The following TCERG1 variants were observed in gnomAD, a reference collection of about 807,000 sequenced individuals.
TCERG1 encodes TATA box binding protein (TBP)-associated factor, RNA polymerase II, S, 150kD.
A neutral mutation model predicts 144.7 loss-of-function variants in TCERG1; 37 were observed. That is an observed-to-expected ratio of 0.26 (90% CI 0.20 to 0.34). The LOEUF is 0.34. Ranked by LOEUF, TCERG1 falls within the 10% of genes least tolerant of loss-of-function variation. The pLI is 1.00. For missense variants in TCERG1, 1,027 were observed against 1,380.7 expected (o/e 0.74, Z 4.06); for synonymous variants, 492 against 458.2 (o/e 1.07, Z -0.94).
At chr5:146,447,858 G>A (rs562804938) in intron 1 of TCERG1, among the ~76,000 whole-genome samples, 2 of 152,348 alleles carry the variant, frequency 1.3e-5, no homozygotes, top group East Asian at 3.9e-4. Context: ...CCTTCTCCAC[G>A]CCCTCCGCGG....
rs1763088504 is a variant in TCERG1, at chr5:146,459,048, A to AGGCTCAGGCCCAGGCG, written c.603_604insGGCTCAGGCCCAGGCG (p.Gln202GlyfsTer69). 1 of 1,596,132 alleles carries AGGCTCAGGCCCAGGCG rather than the reference A, an allele frequency of 6.3e-7. No homozygotes were observed. Among genetic ancestry groups the AGGCTCAGGCCCAGGCG allele is most frequent in the East Asian group, 2.3e-5 (1 of 44,356 alleles). On this transcript the variant is annotated frameshift_variant, in exon 4 of 23. Transcript: ENST00000679501. LOFTEE classifies it high-confidence loss of function. ...CCCAGGCGCAGGCTCAGGCCCAGGC[A>AGGCTCAGGCCCAGGCG]CAAGCTCAGGCCCAGGCTCAGGCTC...
chr5:146,453,458 T>A (rs1762534149), intron 1 of TCERG1, among the ~76,000 whole-genome samples: 1 of 152,374 alleles, frequency 6.6e-6, no homozygotes, highest in South Asian at 2.1e-4. Flanking sequence ...TACCCTTCAA[T>A]ACTTCAGTAT....
chr5:146,486,634 C>T (rs1293652996), intron 15 of TCERG1, among the ~76,000 whole-genome samples: 1 of 152,080 alleles, frequency 6.6e-6, no homozygotes, highest in African/African-American at 2.4e-5. Flanking sequence ...CAACATAGTG[C>T]TGGAAGTCTT....
intron 9 of TCERG1, among the ~76,000 whole-genome samples, chr5:146,472,701 T>TGGTG (rs1554098112): frequency 6.9e-6 from 1 of 145,944 alleles, no homozygotes; most frequent in Non-Finnish European, 1.5e-5. Flanking sequence ...ACCTCTCACT[T>TGGTG]TGTGTGTGTG....
intron 2 of TCERG1, 55 bp downstream of exon 2, chr5:146,455,336 A>G (rs1762735332): frequency 4.4e-6 from 7 of 1,583,396 alleles, no homozygotes; most frequent in East Asian, 2.2e-5. Flanking sequence ...AATATTATAT[A>G]TGGGTTTTGA....
chr5:146,467,773 C>T (rs1247560369), intron 5 of TCERG1, among the ~76,000 whole-genome samples: 1 of 152,160 alleles, frequency 6.6e-6, no homozygotes, highest in African/African-American at 2.4e-5. Flanking sequence ...TCATCTTTGC[C>T]TTTCTTTTAT....
chr5:146,502,812 T>C (rs1484250094), intron 17 of TCERG1, among the ~76,000 whole-genome samples: 1 of 152,144 alleles, frequency 6.6e-6, no homozygotes, highest in Non-Finnish European at 1.5e-5. Flanking sequence ...TGCCTTTTTT[T>C]CACCAAAATA....
intron 11 of TCERG1, 34 bp from the exon 12 acceptor site, chr5:146,479,994 T>A (rs1410146540): frequency 6.3e-7 from 1 of 1,590,706 alleles, no homozygotes; most frequent in Non-Finnish European, 8.6e-7. Flanking sequence ...GAAGGATTCA[T>A]TCCTAAATAT....
intron 1 of TCERG1, among the ~76,000 whole-genome samples, chr5:146,453,909 TC>T (rs1250737484): frequency 6.6e-6 from 1 of 152,000 alleles, no homozygotes; most frequent in Non-Finnish European, 1.5e-5. Flanking sequence ...AATAGAACAT[TC>T]CTTCCGGCCA....
At chr5:146,508,562 A>T (rs893770144) in intron 21 of TCERG1, among the ~76,000 whole-genome samples, 1 of 152,190 alleles carries the variant, frequency 6.6e-6, no homozygotes, top group East Asian at 1.9e-4. Context: ...CATGACTGGG[A>T]AAGAGGGGTA....
Position 146,463,606 on chromosome 5 carries a change from A to T in TCERG1, c.948A>T (p.Thr316=). Residue 316 remains threonine, a synonymous_variant, in exon 5 of 23, where the codon ACA becomes ACT. Coordinates refer to ENST00000679501, the MANE Select transcript of TCERG1 (RefSeq NM_001382548.1). ...CTGCTGTTTCAGTTGCCACGCCTAC[A>T]GTTAGTGTTTCAACTCCTGCTCCTA... is the stretch of plus-strand genomic sequence containing the variant. ...PSSAVSVATP[T]VSVSTPAPTA... 1 of 1,614,216 alleles carries T rather than the reference A, an allele frequency of 6.2e-7. No homozygotes were observed. The highest frequency in any genetic ancestry group is 1.3e-5 in the African/African-American group (1 of 75,054).
chr5:146,465,638 T>G (rs1194774035), intron 5 of TCERG1, among the ~76,000 whole-genome samples: 1 of 152,138 alleles, frequency 6.6e-6, no homozygotes. Context: ...TAGAAGTCAT[T>G]CAATAAACAG....
intron 17 of TCERG1, among the ~76,000 whole-genome samples, chr5:146,500,995 G>T (rs1175339686): frequency 9.1e-6 from 1 of 110,052 alleles, no homozygotes; most frequent in African/African-American, 3.7e-5. Context: ...ACAACAGATG[G>T]GATTCTTTCA....
chr5:146,509,514 C>T lies in TCERG1; in HGVS notation c.3146+269C>T, dbSNP rs541294429. Among the ~76,000 whole-genome samples, 8 of 149,416 alleles carry T rather than the reference C, an allele frequency of 5.4e-5. No individual in the cohort carries two copies. The South Asian group carries it at 6.4e-4, about 12-fold the overall frequency. ...TACCTTTTTTTTTTTTTTACTTCAC[C>T]GCTTTTTTTAGGAATACCCTCAACT... On this transcript the variant is annotated intron_variant, in intron 22 of 22. Transcript: ENST00000679501.
At chr5:146,506,838 T>C (rs1266006447) in intron 19 of TCERG1, among the ~76,000 whole-genome samples, 190 bp from the exon 20 acceptor site, 1 of 152,186 alleles carries the variant, frequency 6.6e-6, no homozygotes, top group African/African-American at 2.4e-5. Flanking sequence ...AATTTTCCTC[T>C]TTTTTTAAGG....
chr5:146,482,499 T>C, intron 13 of TCERG1, 93 bp from the exon 14 acceptor site: 1 of 1,309,770 alleles, frequency 7.6e-7, no homozygotes, highest in African/African-American at 1.5e-5. Flanking sequence ...TGCTCAGTAG[T>C]GAGTCTTGAA....
chr5:146,508,075 G>A (rs941274442), intron 21 of TCERG1, 119 bp downstream of exon 21: 5 of 554,360 alleles, frequency 9.0e-6, no homozygotes, highest in Non-Finnish European at 1.5e-5. Context: ...ACTTTTAAGT[G>A]TATGAGAAGT....
intron 15 of TCERG1, among the ~76,000 whole-genome samples, chr5:146,488,609 T>G (rs1339853683): frequency 6.6e-6 from 1 of 152,178 alleles, no homozygotes; most frequent in African/African-American, 2.4e-5. Context: ...AGGGAACTCT[T>G]TATATACTGT....
At chr5:146,447,459 C>G in intron 1 of TCERG1, 51 bp downstream of exon 1, 1 of 1,579,052 alleles carries the variant, frequency 6.3e-7, no homozygotes, top group South Asian at 1.1e-5. Context: ...GCCCCAGAGG[C>G]TAGACGCTAG....
Sources: allele counts gnomAD v4.1 joint callset (sites outside exome capture counted in the v4.1 genomes callset), GRCh38; gene constraint gnomAD v4.1.1; transcripts MANE v1.5; gene names NCBI Gene and HGNC (gene_info 2026-07-23, HGNC 2026-07-21).